TASOR2: variants seen among roughly 807,000 people sequenced by gnomAD.
TASOR2 encodes transcription activation suppressor family member 2, also known as protein TASOR 2.
In TASOR2, 84 loss-of-function variants were observed where a neutral mutation model predicts 199.5. The observed-to-expected ratio is 0.42, with a 90% CI of 0.35 to 0.50. The LOEUF (loss-of-function observed/expected upper bound fraction) is 0.50. TASOR2 is among the 20% of genes least tolerant of loss of function. TASOR2 has a pLI of 0.02. For synonymous variants in TASOR2, 1,103 were observed against 1,046.6 expected, an observed-to-expected ratio of 1.05 and a Z score of -1.04; for missense variants, 2,796 against 2,835.9, an observed-to-expected ratio of 0.99 and a Z score of 0.32.
rs766552935 is a variant in TASOR2, at chr10:5,747,410, C to G, written c.3989C>G (p.Ala1330Gly). The change falls in exon 15 of 21, where the codon GCT becomes GGT. Residue 1330 changes from alanine to glycine, a missense_variant. By Grantham distance (60) the Ala-to-Gly change is moderately conservative. This residue lies in a region of TASOR2 where 1,941 missense variants were observed against 1,924.9 expected (regional missense o/e 1.01). Transcript: ENST00000328090. ...GAAATAGGTGAACCGGAAGAGGTGGCTCTCACAGAAAGCAGAGAAGTGAGT... is the reference window on the plus strand; with the variant it reads ...GAAATAGGTGAACCGGAAGAGGTGGGTCTCACAGAAAGCAGAGAAGTGAGT... The G allele has an allele frequency of 5.6e-6, 9 of 1,614,008 alleles. No individual in the cohort carries two copies. In the East Asian group the frequency reaches 2.0e-4, roughly 36 times the overall value.
Position 5,748,594 on chromosome 10 carries a change from G to A in TASOR2, c.5173G>A (p.Gly1725Ser), listed in dbSNP as rs763010973. 2 of 1,613,816 alleles carry A rather than the reference G, an allele frequency of 1.2e-6. No homozygotes were observed. The highest frequency in any genetic ancestry group is 4.5e-5 in the East Asian group (2 of 44,884). The change falls in exon 15 of 21, where the codon GGT becomes AGT. Residue 1725 changes from glycine to serine, a missense_variant. Physicochemically the swap from Gly to Ser is moderately conservative, Grantham distance 56. Around this residue, in one of 3 missense-constraint regions of TASOR2, gnomAD observed 1,941 missense variants for 1,924.9 expected, o/e 1.01. Transcript: ENST00000328090. The surrounding 1 kb of genome is among the most constrained non-coding windows in gnomAD (Gnocchi z 5.1). The stretch of plus-strand genomic sequence containing the variant: ...GTCCAACACCACATCTTCTCTAAAA[G>A]GTGAACGCAAAGCCATCCACACGCT...
At chr10:5,733,505 AAAG>A in intron 11 of TASOR2, among the ~76,000 whole-genome samples, 1 of 152,352 alleles carries the variant, frequency 6.6e-6, no homozygotes, top group East Asian at 1.9e-4. Context: ...TCTCAAAAAA[AAAG>A]AAAGAATTCT....
chr10:5,690,609 T>C lies in TASOR2; in HGVS notation c.-288+5434T>C, dbSNP rs1836312929. Among the ~76,000 whole-genome samples, 1 of 152,236 alleles carries C rather than the reference T, an allele frequency of 6.6e-6. No individual in the cohort carries two copies. The highest frequency in any genetic ancestry group is 6.5e-5 in the Admixed American group (1 of 15,286). On this transcript the variant is annotated intron_variant, in intron 1 of 20. Coordinates refer to ENST00000328090, the Ensembl canonical transcript of TASOR2. This position sits in a 1 kb window ranked among gnomAD's most constrained non-coding sequence, Gnocchi z 4.8. ...AGATGTCACGTTCTCTTTTGCCATA[T>C]GTAATAATCAAGAGTACCCAAAAGT...
In TASOR2 at chr10:5,738,743, T is replaced by A. The variant is rs538493125; in HGVS notation, c.1448-875T>A. Among the ~76,000 whole-genome samples the A allele has an allele frequency of 5.6e-5, 8 of 142,390 alleles. No individual in the cohort carries two copies. The South Asian group carries it at 1.8e-3, about 33-fold the overall frequency. 93.4% of individuals were successfully genotyped at this position (142,390 alleles called of 152,430 possible). The stretch of plus-strand genomic sequence containing the variant: ...GGAACATAGTTGGCTTTTCTGGTCA[T>A]CTGTCTACCTGCAGCAGGGAATCAT... On this transcript the variant is annotated intron_variant, in intron 12 of 20. Coordinates refer to ENST00000328090, the Ensembl canonical transcript of TASOR2. The surrounding 1 kb of genome is among the most constrained non-coding windows in gnomAD (Gnocchi z 4.7).
In TASOR2 at chr10:5,720,742, C is replaced by A; in HGVS notation, c.27-13C>A. ...TCTTGTAAACATGTTCTTTTTCTTTCTTTTTCTGCTAGACTTGAACGCAGT... is the reference window on the plus strand; with the variant it reads ...TCTTGTAAACATGTTCTTTTTCTTTATTTTTCTGCTAGACTTGAACGCAGT... On this transcript the variant is annotated splice_polypyrimidine_tract_variant and intron_variant, in intron 4 of 20. Transcript: ENST00000328090. This position sits in a 1 kb window ranked among gnomAD's most constrained non-coding sequence, Gnocchi z 5.3. 1 of 1,612,182 alleles carries A rather than the reference C, an allele frequency of 6.2e-7. No individual in the cohort carries two copies. The highest frequency in any genetic ancestry group is 8.5e-7 in the Non-Finnish European group (1 of 1,179,446).
chr10:5,741,917 G>A (rs1836481125), intron 13 of TASOR2, among the ~76,000 whole-genome samples, 180 bp from the exon 15 acceptor site: 1 of 152,110 alleles, frequency 6.6e-6, no homozygotes, highest in African/African-American at 2.4e-5. Context: ...AAATGAGTGG[G>A]TTAGATGGAT....
intron 10 of TASOR2, 23 bp downstream of exon 11, chr10:5,727,146 C>G: frequency 6.2e-7 from 1 of 1,612,942 alleles, no homozygotes; most frequent in Non-Finnish European, 8.5e-7. Flanking sequence ...TGGTTTCCAG[C>G]TCACTCTGTC....
intron 14 of TASOR2, among the ~76,000 whole-genome samples, chr10:5,745,252 T>C (rs1837021129): frequency 1.4e-5 from 2 of 144,762 alleles, no homozygotes; most frequent in South Asian, 4.5e-4. Context: ...GCAAACTGCA[T>C]TGATAAAGTT....
At chr10:5,709,631 A>C in intron 1 of TASOR2, 1 of 1,231,208 alleles carries the variant, frequency 8.1e-7, no homozygotes, top group Non-Finnish European at 1.0e-6. Flanking sequence ...TCTCTCTTAG[A>C]GAAGATCGAG....
chr10:5,716,285 G>A (rs567786960), intron 2 of TASOR2, among the ~76,000 whole-genome samples: 4 of 152,160 alleles, frequency 2.6e-5, no homozygotes, highest in East Asian at 1.9e-4. Context: ...ATGGACATAC[G>A]GGTTATTTCT....
At chr10:5,746,700 A>G in exon 15 of TASOR2, 5 of 1,614,160 alleles carry the variant, frequency 3.1e-6, no homozygotes, top group Non-Finnish European at 2.5e-6. Flanking sequence ...CAAGCCTTAG[A>G]CATCCTGTAT....
At chr10:5,763,122 TGAACAG>T in exon 21 of TASOR2, 25 of 1,249,110 alleles carry the variant, frequency 2.0e-5, no homozygotes, top group Non-Finnish European at 2.6e-5. Context: ...AATACACATG[TGAACAG>T]TCTTACATTT....
chr10:5,704,755 G>A (rs954641967), intron 1 of TASOR2, among the ~76,000 whole-genome samples: 1 of 152,122 alleles, frequency 6.6e-6, no homozygotes, highest in African/African-American at 2.4e-5. Flanking sequence ...GTTTCTTATA[G>A]CTATTTTAGA....
In TASOR2 at chr10:5,747,704, A is replaced by G. The variant is rs765926856; in HGVS notation, c.4283A>G (p.His1428Arg). Residue 1428 changes from histidine to arginine, a missense_variant, in exon 15 of 21, where the codon CAT becomes CGT. Physicochemically the swap from His to Arg is conservative, Grantham distance 29. This residue lies in a region of TASOR2 where 1,941 missense variants were observed against 1,924.9 expected (regional missense o/e 1.01). Transcript: ENST00000328090. ...GTGACTCCATGCATTTTAAAACTTC[A>G]TGGTACACAGTGTGAGAAGAGCAAC... 1.5e-5 allele frequency: 24 copies of G among 1,614,096 alleles called. No homozygotes were observed. The highest frequency in any genetic ancestry group is 2.7e-5 in the African/African-American group (2 of 74,928).
At position 5,730,416 on chromosome 10, in the gene TASOR2, CT is replaced by C. The variant is rs368460943; in HGVS notation, c.488-63del. On this transcript the variant is annotated intron_variant, in intron 10 of 20. Transcript: ENST00000328090. This position sits in a 1 kb window ranked among gnomAD's most constrained non-coding sequence, Gnocchi z 4.1. ...CATCACATAATTTTGAAATCTAAAG[CT>C]TTTTTTTCCAGAATGTTTTGTTTTT... 2.0e-3 allele frequency: 2,509 copies of C among 1,237,662 alleles called. 43 individuals carry two copies. In the African/African-American group the frequency reaches 0.033, roughly 17 times the overall value. The allele number at this position is 1,237,662 out of a possible 1,614,324, so 76.7% of individuals were successfully genotyped here. A position where few individuals can be genotyped will look rare whatever the true frequency, so the allele number is the denominator to read the frequency against.
At chr10:5,743,394 A>G (rs2131618837) in intron 14 of TASOR2, among the ~76,000 whole-genome samples, 1 of 152,330 alleles carries the variant, frequency 6.6e-6, no homozygotes. Flanking sequence ...TAAGAGTTCT[A>G]AGCCCTTCAC....
chr10:5,718,322 GT>G lies in TASOR2; in HGVS notation c.-100+583del, dbSNP rs557861716. Among the ~76,000 whole-genome samples the G allele has an allele frequency of 5.0e-4, 57 of 113,070 alleles. No homozygotes were observed. The East Asian group carries it at 8.0e-3, about 16-fold the overall frequency. 74.2% of individuals were successfully genotyped at this position (113,070 alleles called of 152,430 possible). Reference sequence around the variant, plus strand: ...GACATTTCTGTGGTCTCGTTTTATTGTTTTTTTTTTTAGCTTTGTTACTATC... The same window carrying G: ...GACATTTCTGTGGTCTCGTTTTATTGTTTTTTTTTTAGCTTTGTTACTATC... On this transcript the variant is annotated intron_variant, in intron 3 of 20. Transcript: ENST00000328090.
At position 5,730,865 on chromosome 10, in the gene TASOR2, G is replaced by T. The variant is rs529584950; in HGVS notation, c.866G>T (p.Cys289Phe). ...CTAGCAGAGCATCCTCAGTCTCCTT[G>T]TGTTTCAGACGGAATTTGTGATGCT... Residue 289 changes from cysteine to phenylalanine, a missense_variant, in exon 11 of 21, where the codon TGT becomes TTT. Physicochemically the swap from Cys to Phe is radical, Grantham distance 205. This residue lies in a region of TASOR2 where 847 missense variants were observed against 887.4 expected (regional missense o/e 0.95). Coordinates refer to ENST00000328090, the Ensembl canonical transcript of TASOR2. This position sits in a 1 kb window ranked among gnomAD's most constrained non-coding sequence, Gnocchi z 4.1. 6.2e-7 allele frequency: 1 copy of T among 1,614,190 alleles called. No individual in the cohort carries two copies. Among genetic ancestry groups the T allele is most frequent in the South Asian group, 1.1e-5 (1 of 91,082 alleles).
intron 1 of TASOR2, among the ~76,000 whole-genome samples, chr10:5,705,968 A>AT (rs1309556654): frequency 6.6e-6 from 1 of 152,042 alleles, no homozygotes; most frequent in Non-Finnish European, 1.5e-5. Flanking sequence ...TTTTCCTATG[A>AT]TTTTTTAAAT....
Sources: allele counts gnomAD v4.1 joint callset (sites outside exome capture counted in the v4.1 genomes callset), GRCh38; gene constraint gnomAD v4.1.1; regional missense constraint gnomAD v4.1.1; non-coding constraint Gnocchi (gnomAD v3.1); transcripts MANE v1.5; gene names NCBI Gene and HGNC (gene_info 2026-07-23, HGNC 2026-07-21).